Variants in KCNT2 observed in about 807,000 individuals in gnomAD.
KCNT2 encodes potassium sodium-activated channel subfamily T member 2.
In KCNT2, 67 loss-of-function variants were observed where a neutral mutation model predicts 153.8. The ratio of observed to expected loss-of-function variants is 0.44; its 90% CI spans 0.36 to 0.53. The LOEUF (loss-of-function observed/expected upper bound fraction) is 0.53, where lower values mean the gene tolerates loss of function less well. Among genes scored for constraint, KCNT2 ranks in the 20% least tolerant of loss-of-function variants. The pLI, the probability that KCNT2 is intolerant of heterozygous loss-of-function variation, is 0.00. For missense variants in KCNT2, 975 were observed against 1,354.8 expected, an observed-to-expected ratio of 0.72 and a Z score of 4.40; for synonymous variants, 500 against 458.8, an observed-to-expected ratio of 1.09 and a Z score of -1.15.
intron 13 of KCNT2, among the ~76,000 whole-genome samples, chr1:196,390,111 T>C (rs1009787931): frequency 1.3e-5 from 2 of 151,562 alleles, no homozygotes; most frequent in African/African-American, 4.8e-5. Context: ...ATTTTTTTTT[T>C]CCACAACATG....
At chr1:196,470,697 C>T (rs1281672671) in intron 5 of KCNT2, among the ~76,000 whole-genome samples, 1 of 152,130 alleles carries the variant, frequency 6.6e-6, no homozygotes, top group African/African-American at 2.4e-5. Flanking sequence ...ACTGACTGCA[C>T]TTCATTCCCT....
intron 5 of KCNT2, among the ~76,000 whole-genome samples, chr1:196,472,942 T>C (rs1043341923): frequency 1.3e-5 from 2 of 152,162 alleles, no homozygotes; most frequent in African/African-American, 4.8e-5. Context: ...TCTTCAGAAC[T>C]ATTCAGATAC....
At chr1:196,309,711 TA>T (rs745674326) in intron 21 of KCNT2, among the ~76,000 whole-genome samples, 1 of 151,916 alleles carries the variant, frequency 6.6e-6, no homozygotes, top group Non-Finnish European at 1.5e-5. Context: ...TTTGGTTGTC[TA>T]ATAGATTTAT....
In KCNT2 at chr1:196,323,279, G is replaced by A. The variant is rs561995618; in HGVS notation, c.2276+3438C>T. 3.0e-4 allele frequency among the ~76,000 whole-genome samples: 46 copies of A among 152,016 alleles called. 1 individual carries two copies. The South Asian group carries it at 8.1e-3, about 27-fold the overall frequency. On this transcript the variant is annotated intron_variant, in intron 19 of 27. Transcript: ENST00000294725. Reference sequence around the variant, plus strand: ...GATTGATTTAATGAATGGATAGTGTGAAGAAGACCTTGATAAATATTAAGA... The same window carrying A: ...GATTGATTTAATGAATGGATAGTGTAAAGAAGACCTTGATAAATATTAAGA...
chr1:196,541,489 A>G (rs1230068853), intron 1 of KCNT2, among the ~76,000 whole-genome samples: 3 of 152,160 alleles, frequency 2.0e-5, no homozygotes, highest in Non-Finnish European at 2.9e-5. Flanking sequence ...ATCAAATGTC[A>G]GTGTCCATAT....
At chr1:196,310,675 C>A (rs1263326879) in intron 21 of KCNT2, among the ~76,000 whole-genome samples, 1 of 151,794 alleles carries the variant, frequency 6.6e-6, no homozygotes, top group African/African-American at 2.4e-5. Flanking sequence ...TTTAAAAAAA[C>A]AGAAACAAAT....
At chr1:196,339,554 CAG>C (rs1665408701) in intron 16 of KCNT2, among the ~76,000 whole-genome samples, 1 of 117,452 alleles carries the variant, frequency 8.5e-6, no homozygotes, top group African/African-American at 3.4e-5. Context: ...GAGAGAGAGA[CAG>C]AGACACAGAG....
intron 14 of KCNT2, among the ~76,000 whole-genome samples, chr1:196,349,014 T>C (rs1408036287): frequency 3.3e-5 from 5 of 152,080 alleles, no homozygotes; most frequent in Admixed American, 3.3e-4. Flanking sequence ...GGGCATGCTG[T>C]AGAGTTCATG....
At chr1:196,421,415 G>A (rs1387783552) in intron 12 of KCNT2, among the ~76,000 whole-genome samples, 1 of 151,932 alleles carries the variant, frequency 6.6e-6, no homozygotes, top group African/African-American at 2.4e-5. Flanking sequence ...ATTACCACTC[G>A]AGGGGGCACA....
intron 25 of KCNT2, among the ~76,000 whole-genome samples, chr1:196,269,737 T>A (rs1272796766): frequency 6.6e-6 from 1 of 152,148 alleles, no homozygotes; most frequent in East Asian, 1.9e-4. Context: ...GAAAATGTTA[T>A]TAGTTTATTT....
At chr1:196,459,276 A>G (rs561403099) in intron 8 of KCNT2, among the ~76,000 whole-genome samples, 156 of 151,780 alleles carry the variant, frequency 1.0e-3, no homozygotes, top group African/African-American at 3.5e-3. Context: ...ATAAAAGGTG[A>G]CCATGCCCTA....
At chr1:196,265,822 G>T (rs1033081003) in intron 25 of KCNT2, among the ~76,000 whole-genome samples, 1 of 152,146 alleles carries the variant, frequency 6.6e-6, no homozygotes, top group Non-Finnish European at 1.5e-5. Context: ...GGACTCTGTG[G>T]CATACCCAAG....
chr1:196,449,925 T>C (rs1190138181), intron 8 of KCNT2, among the ~76,000 whole-genome samples: 3 of 151,796 alleles, frequency 2.0e-5, no homozygotes, highest in Non-Finnish European at 4.4e-5. Flanking sequence ...AAAATGCTTT[T>C]ATAATAACAA....
At chr1:196,588,007 G>A (rs938109094) in intron 1 of KCNT2, among the ~76,000 whole-genome samples, 10 of 151,976 alleles carry the variant, frequency 6.6e-5, no homozygotes, top group African/African-American at 2.2e-4. Context: ...AGATAGTGTG[G>A]AAAAATTACA....
intron 22 of KCNT2, among the ~76,000 whole-genome samples, chr1:196,304,738 C>A (rs1040702526): frequency 2.0e-5 from 3 of 152,166 alleles, no homozygotes; most frequent in Admixed American, 1.3e-4. Context: ...TCTTCCCAAT[C>A]CCAGTCAAGT....
intron 18 of KCNT2, among the ~76,000 whole-genome samples, chr1:196,328,234 T>G (rs1356009194): frequency 6.6e-5 from 10 of 151,538 alleles, no homozygotes; most frequent in Non-Finnish European, 1.5e-5. Context: ...AAGTAAAGAG[T>G]GTAACTCAAA....
chr1:196,294,993 T>C (rs1358010490), intron 22 of KCNT2, among the ~76,000 whole-genome samples: 2 of 151,732 alleles, frequency 1.3e-5, no homozygotes, highest in African/African-American at 4.8e-5. Flanking sequence ...AAATGCTAAC[T>C]TCAATAAATA....
chr1:196,565,037 G>A (rs1659916367), intron 1 of KCNT2, among the ~76,000 whole-genome samples: 1 of 147,190 alleles, frequency 6.8e-6, no homozygotes, highest in Non-Finnish European at 1.5e-5. Context: ...ACAATCTACA[G>A]AATAGGAGAA....
intron 1 of KCNT2, among the ~76,000 whole-genome samples, chr1:196,517,721 G>GA (rs898833414): frequency 6.6e-6 from 1 of 151,862 alleles, no homozygotes; most frequent in Non-Finnish European, 1.5e-5. Flanking sequence ...CAAAAATAAA[G>GA]AAAAAAAGAA....
Sources: allele counts gnomAD v4.1 joint callset (sites outside exome capture counted in the v4.1 genomes callset), GRCh38; gene constraint gnomAD v4.1.1; transcripts MANE v1.5; gene names NCBI Gene and HGNC (gene_info 2026-07-23, HGNC 2026-07-21).